The following NEGR1 variants were observed in gnomAD, a reference collection of about 807,000 sequenced individuals.
NEGR1 encodes neuronal growth regulator 1.
NEGR1 carries 10 observed loss-of-function variants against 40.9 expected under a neutral mutation model. The observed-to-expected ratio is 0.24, with a 90% CI of 0.15 to 0.42. NEGR1 has a LOEUF of 0.42. Ranked by LOEUF, NEGR1 falls within the 10% of genes least tolerant of loss-of-function variation. The pLI is 1.00. For synonymous variants in NEGR1, 185 were observed against 166.8 expected (o/e 1.11, Z -0.84); for missense variants, 352 against 438.9 (o/e 0.80, Z 1.77).
intron 6 of NEGR1, among the ~76,000 whole-genome samples, chr1:71,534,847 T>C (rs552895864): frequency 1.3e-5 from 2 of 151,712 alleles, no homozygotes; most frequent in South Asian, 4.2e-4. Flanking sequence ...GGTTTCAAAA[T>C]GTGAGAGCAT....
intron 2 of NEGR1, among the ~76,000 whole-genome samples, chr1:71,849,307 GAGGAGTTCA>G (rs1435437494): frequency 6.6e-6 from 1 of 152,166 alleles, no homozygotes; most frequent in Non-Finnish European, 1.5e-5. Context: ...GGATGACTTT[GAGGAGTTCA>G]AGACTTCAGT....
chr1:71,701,888 A>T (rs1570232193), intron 3 of NEGR1, among the ~76,000 whole-genome samples: 1 of 152,232 alleles, frequency 6.6e-6, no homozygotes, highest in South Asian at 2.1e-4. Context: ...CATTTTGAAG[A>T]ACAAAAATTT....
At chr1:72,082,990 A>G (rs1275626491) in intron 1 of NEGR1, among the ~76,000 whole-genome samples, 1 of 152,104 alleles carries the variant, frequency 6.6e-6, no homozygotes, top group Non-Finnish European at 1.5e-5. Flanking sequence ...GCTTCATTGT[A>G]GCAATTATTT....
intron 1 of NEGR1, among the ~76,000 whole-genome samples, chr1:72,038,407 C>A (rs1391105629): frequency 6.6e-6 from 1 of 151,938 alleles, no homozygotes; most frequent in East Asian, 1.9e-4. Flanking sequence ...TTCCACCATG[C>A]CATGATGTTT....
Position 71,407,581 on chromosome 1 carries a change from A to G in NEGR1, c.941-11T>C, listed in dbSNP as rs1260682819. 2 of 1,610,710 alleles carry G rather than the reference A, an allele frequency of 1.2e-6. No homozygotes were observed. Among genetic ancestry groups the G allele is most frequent in the Non-Finnish European group, 1.7e-6 (2 of 1,177,838 alleles). On this transcript the variant is annotated splice_polypyrimidine_tract_variant and intron_variant, in intron 6 of 6. Coordinates refer to ENST00000357731, the MANE Select transcript of NEGR1 (RefSeq NM_173808.3). ...GGGCTGTACTTGGAGCTGGAAAGAAATGGAAAAGATTAAATCAAAATCTAA... is the reference window on the plus strand; with the variant it reads ...GGGCTGTACTTGGAGCTGGAAAGAAGTGGAAAAGATTAAATCAAAATCTAA...
At chr1:71,797,853 C>A (rs939640908) in intron 2 of NEGR1, among the ~76,000 whole-genome samples, 1 of 151,850 alleles carries the variant, frequency 6.6e-6, no homozygotes, top group Non-Finnish European at 1.5e-5. Context: ...CATAAATTTT[C>A]TATTTGTGCA....
intron 1 of NEGR1, among the ~76,000 whole-genome samples, chr1:71,943,004 G>GTA (rs1157347061): frequency 2.7e-4 from 33 of 120,632 alleles, no homozygotes; most frequent in Non-Finnish European, 4.8e-4. Context: ...ATATGTGTGT[G>GTA]TATATATATA....
At chr1:72,237,784 G>A (rs1654605969) in intron 1 of NEGR1, among the ~76,000 whole-genome samples, 1 of 151,810 alleles carries the variant, frequency 6.6e-6, no homozygotes, top group African/African-American at 2.4e-5. Flanking sequence ...AAAAATTTTG[G>A]AGGCCTACAG....
intron 1 of NEGR1, among the ~76,000 whole-genome samples, chr1:72,241,366 T>TAGCTATAA (rs71586980): frequency 0.48 from 72,151 of 150,956 alleles, 17,867 homozygotes; most frequent in African/African-American, 0.59. Context: ...CTGTCCACTA[T>TAGCTATAA]AGTTGCTAAC....
chr1:71,539,549 T>C (rs1647621776), intron 6 of NEGR1, among the ~76,000 whole-genome samples: 1 of 151,726 alleles, frequency 6.6e-6, no homozygotes, highest in African/African-American at 2.4e-5. Flanking sequence ...TTCGAGTAGA[T>C]GTGTGTATAT....
At chr1:71,932,175 A>G (rs897283396) in intron 2 of NEGR1, among the ~76,000 whole-genome samples, 1 of 152,148 alleles carries the variant, frequency 6.6e-6, no homozygotes, top group Non-Finnish European at 1.5e-5. Flanking sequence ...ATATGTAAAC[A>G]TTAGTTTGCA....
chr1:71,738,306 GA>G, intron 3 of NEGR1: 1 of 253,550 alleles, frequency 3.9e-6, no homozygotes. Context: ...CCATGCAGCT[GA>G]AAGAGCAGGT....
rs751508064 is a variant in NEGR1 at position 71,682,202 on chromosome 1, CT to C, written c.667+15805del. Among the ~76,000 whole-genome samples the C allele has an allele frequency of 8.9e-3, 1,317 of 148,776 alleles. 27 individuals carry two copies. Among genetic ancestry groups the C allele is most frequent in the African/African-American group, 0.03 (1,215 of 40,594 alleles). On this transcript the variant is annotated intron_variant, in intron 4 of 6. Transcript: ENST00000357731. ...TTTAGTTATATCTAACACATATTTT[CT>C]TTTTTTTTTCAGTTGTAAGCTTTTT...
At chr1:72,120,616 C>T (rs901173826) in intron 1 of NEGR1, among the ~76,000 whole-genome samples, 6 of 151,840 alleles carry the variant, frequency 4.0e-5, no homozygotes, top group African/African-American at 9.7e-5. Context: ...CCCACTAACT[C>T]GTCATCTAGC....
At chr1:71,701,068 A>T (rs1017083682) in intron 3 of NEGR1, among the ~76,000 whole-genome samples, 1 of 152,034 alleles carries the variant, frequency 6.6e-6, no homozygotes, top group Non-Finnish European at 1.5e-5. Flanking sequence ...GACACAGCCT[A>T]TCAACACCTT....
chr1:71,543,141 G>C (rs1449022475), intron 6 of NEGR1, among the ~76,000 whole-genome samples: 1 of 151,630 alleles, frequency 6.6e-6, no homozygotes, highest in Non-Finnish European at 1.5e-5. Context: ...CTTGGCAAAT[G>C]GTAGGTACTC....
chr1:71,808,158 CA>C (rs1657848993), intron 2 of NEGR1, among the ~76,000 whole-genome samples: 1 of 152,018 alleles, frequency 6.6e-6, no homozygotes, highest in South Asian at 2.1e-4. Context: ...CACCAAACAC[CA>C]AAAAGTTGCA....
chr1:72,270,750 T>C (rs1655815358), intron 1 of NEGR1, among the ~76,000 whole-genome samples: 1 of 151,846 alleles, frequency 6.6e-6, no homozygotes, highest in African/African-American at 2.4e-5. Flanking sequence ...TATAGTGATC[T>C]CTCACTTCAA....
At chr1:71,845,637 C>T (rs921945238) in intron 2 of NEGR1, among the ~76,000 whole-genome samples, 1 of 152,166 alleles carries the variant, frequency 6.6e-6, no homozygotes, top group African/African-American at 2.4e-5. Context: ...CTTATCTCCA[C>T]TTTTAAACAA....
Sources: allele counts gnomAD v4.1 joint callset (sites outside exome capture counted in the v4.1 genomes callset), GRCh38; gene constraint gnomAD v4.1.1; transcripts MANE v1.5; gene names NCBI Gene and HGNC (gene_info 2026-07-23, HGNC 2026-07-21).